The following ZPBP variants were observed in gnomAD, a reference collection of about 807,000 sequenced individuals.
The protein encoded by ZPBP is zona pellucida binding protein, also known as zona pellucida-binding protein 1.
Under a neutral mutation model 44.8 loss-of-function variants are expected in ZPBP, and 26 were observed. That is an observed-to-expected ratio of 0.58 (90% CI 0.43 to 0.81). ZPBP has a LOEUF of 0.81. Among genes scored for constraint, ZPBP ranks in the 30% least tolerant of loss-of-function variants. The pLI is 0.00. For missense variants in ZPBP, 409 were observed against 434.0 expected, an observed-to-expected ratio of 0.94 and a Z score of 0.51; for synonymous variants, 174 against 153.2, an observed-to-expected ratio of 1.14 and a Z score of -1.00.
intron 4 of ZPBP, among the ~76,000 whole-genome samples, chr7:50,034,183 G>T (rs1037518908): frequency 1.4e-5 from 2 of 143,824 alleles, no homozygotes; most frequent in Admixed American, 7.0e-5. Flanking sequence ...GTTTTTGAGG[G>T]TTTTTTTTTT....
Position 49,994,194 on chromosome 7 carries a change from C to T in ZPBP, c.784-10675G>A, listed in dbSNP as rs117484832. Among the ~76,000 whole-genome samples the T allele has an allele frequency of 3.8e-3, 574 of 152,322 alleles. 2 individuals are homozygous for T. Among genetic ancestry groups the T allele is most frequent in the Non-Finnish European group, 6.2e-3 (425 of 68,026 alleles). ...CCCAAAGTTTTCCCCACTGAGATTT[C>T]CCTTCACAACTGTCCTTCAGGGATG... On this transcript the variant is annotated intron_variant, in intron 6 of 7. Coordinates refer to ENST00000046087, the MANE Select transcript of ZPBP (RefSeq NM_007009.3).
At chr7:50,080,718 C>T (rs1802314085) in intron 3 of ZPBP, among the ~76,000 whole-genome samples, 4 of 151,756 alleles carry the variant, frequency 2.6e-5, no homozygotes, top group Admixed American at 2.6e-4. Flanking sequence ...ATTTCCACTA[C>T]TGGGTGCTTT....
the ZPBP span, among the ~76,000 whole-genome samples, chr7:49,843,172 G>C: frequency 6.6e-6 from 1 of 152,286 alleles, no homozygotes; most frequent in East Asian, 1.9e-4. Context: ...GCAGTTTTCT[G>C]TGAACTTCTT....
At chr7:50,005,644 G>C (rs1363950934) in intron 6 of ZPBP, among the ~76,000 whole-genome samples, 1 of 151,812 alleles carries the variant, frequency 6.6e-6, no homozygotes. Context: ...AAAAGGAAAT[G>C]AGAAGGGAAA....
rs145110392 is a variant in ZPBP, at chr7:49,878,608, T to C, written n.509+22510A>G. Among the ~76,000 whole-genome samples the C allele has an allele frequency of 3.2e-3, 486 of 152,332 alleles. 6 individuals are homozygous for C. The highest frequency in any genetic ancestry group is 0.011 in the African/African-American group (453 of 41,588). On this transcript the variant is annotated intron_variant and non_coding_transcript_variant, in intron 2 of 2. Transcript: ENST00000465922. ...TGTTTTTGTTCCAGCAGTTTTATTA[T>C]ATAATGACATTCCAAGTTGTATATT...
intron 2 of ZPBP, among the ~76,000 whole-genome samples, chr7:49,885,959 G>A (rs1458769518): frequency 6.6e-6 from 1 of 152,248 alleles, no homozygotes. Context: ...TCCCTGCAAG[G>A]GGAAGTTTGG....
At chr7:49,978,667 C>A (rs189209639) in intron 7 of ZPBP, among the ~76,000 whole-genome samples, 33 of 151,954 alleles carry the variant, frequency 2.2e-4, no homozygotes, top group Admixed American at 2.1e-3. Context: ...GTGAGCTCAT[C>A]ATCATTTTAT....
chr7:50,059,890 T>G (rs1005013045), intron 3 of ZPBP, among the ~76,000 whole-genome samples: 7 of 152,034 alleles, frequency 4.6e-5, no homozygotes, highest in South Asian at 2.1e-4. Flanking sequence ...AGAGCCAAGA[T>G]AGCCAGCCAG....
rs139010816 is a variant in ZPBP at position 49,876,179 on chromosome 7, C to A, written n.509+24939G>T. On this transcript the variant is annotated intron_variant and non_coding_transcript_variant, in intron 2 of 2. Coordinates refer to the ZPBP transcript ENST00000465922. ...TCTTGGCTGTATAAGAACTTGGTAA[C>A]CTTTAAGAGACACAGGTTGGGTAAA... Among the ~76,000 whole-genome samples the A allele has an allele frequency of 3.2e-3, 486 of 152,200 alleles. 6 individuals carry two copies. Among genetic ancestry groups the A allele is most frequent in the African/African-American group, 0.011 (449 of 41,516 alleles).
Position 49,983,036 on chromosome 7 carries a change from A to T in ZPBP, c.961+306T>A, listed in dbSNP as rs554665788. 2.6e-5 allele frequency among the ~76,000 whole-genome samples: 4 copies of T among 152,156 alleles called. No individual in the cohort carries two copies. In the East Asian group the frequency reaches 5.8e-4, roughly 22 times the overall value. On this transcript the variant is annotated intron_variant, in intron 7 of 7. Coordinates refer to ENST00000046087, the MANE Select transcript of ZPBP (RefSeq NM_007009.3). ...TCATCAATAGTAGATTCTAAAAGAT[A>T]TATTAATTGGCTTTTTTTAAAGTCA...
intron 4 of ZPBP, among the ~76,000 whole-genome samples, chr7:50,052,950 T>C (rs932279779): frequency 6.6e-6 from 1 of 151,950 alleles, no homozygotes. Context: ...GGAGGGAAAA[T>C]GGGTTCAATT....
At chr7:49,912,136 G>C (rs1270651099) in intron 1 of ZPBP, 2 of 1,614,152 alleles carry the variant, frequency 1.2e-6, no homozygotes, top group Non-Finnish European at 1.7e-6. Flanking sequence ...GGCACATGGA[G>C]AATCGAGCGG....
At chr7:49,949,290 T>C (rs1256674639) in intron 7 of ZPBP, among the ~76,000 whole-genome samples, 1 of 152,162 alleles carries the variant, frequency 6.6e-6, no homozygotes, top group African/African-American at 2.4e-5. Context: ...ATATAGTATA[T>C]ATCTAAAATA....
At chr7:49,931,144 C>G (rs1018061435) in intron 1 of ZPBP, among the ~76,000 whole-genome samples, 12 of 152,208 alleles carry the variant, frequency 7.9e-5, no homozygotes, top group Admixed American at 6.5e-4. Context: ...GTGAGTCAAT[C>G]AAGCCTCTTT....
chr7:50,089,124 T>G (rs185402794), intron 2 of ZPBP, among the ~76,000 whole-genome samples: 133 of 152,184 alleles, frequency 8.7e-4, no homozygotes, highest in Non-Finnish European at 8.2e-4. Context: ...TTTGGGGTGA[T>G]GAAAATGTTG....
chr7:49,864,329 C>T (rs190794150), intron 2 of ZPBP, among the ~76,000 whole-genome samples: 1 of 152,260 alleles, frequency 6.6e-6, no homozygotes, highest in East Asian at 1.9e-4. Flanking sequence ...GTGCTTGGAC[C>T]TTCCTTCACC....
At chr7:49,846,670 G>A (rs776531824), downstream of ZPBP, among the ~76,000 whole-genome samples, 4 of 152,154 alleles carry the variant, frequency 2.6e-5, no homozygotes, top group Non-Finnish European at 4.4e-5. Flanking sequence ...CCACAGAGAC[G>A]TTTTCATCAC....
intron 7 of ZPBP, among the ~76,000 whole-genome samples, chr7:49,977,023 A>G (rs1241282754): frequency 6.6e-6 from 1 of 151,794 alleles, no homozygotes; most frequent in Non-Finnish European, 1.5e-5. Context: ...AAGGGCGTGA[A>G]CCCAGGAGAC....
At chr7:49,865,901 T>A (rs1790864370) in intron 2 of ZPBP, among the ~76,000 whole-genome samples, 2 of 152,194 alleles carry the variant, frequency 1.3e-5, no homozygotes, top group South Asian at 4.2e-4. Flanking sequence ...TGGAACAATG[T>A]CCTTAAGATT....
Sources: allele counts gnomAD v4.1 joint callset (sites outside exome capture counted in the v4.1 genomes callset), GRCh38; gene constraint gnomAD v4.1.1; transcripts MANE v1.5; gene names NCBI Gene and HGNC (gene_info 2026-07-23, HGNC 2026-07-21).